Variants in SLC2A13 observed in about 807,000 individuals in gnomAD.
SLC2A13 encodes proton myo-inositol cotransporter.
A neutral mutation model predicts 64.4 loss-of-function variants in SLC2A13; 32 were observed. The ratio of observed to expected loss-of-function variants is 0.50; its 90% CI spans 0.37 to 0.67. The LOEUF is 0.67. SLC2A13 is among the 30% of genes least tolerant of loss of function. The pLI, the probability that SLC2A13 is intolerant of heterozygous loss-of-function variation, is 0.00. For missense variants in SLC2A13, 743 were observed against 829.2 expected, an observed-to-expected ratio of 0.90 and a Z score of 1.28; for synonymous variants, 338 against 327.1, an observed-to-expected ratio of 1.03 and a Z score of -0.36.
At chr12:39,784,321 A>G (rs913028117) in intron 7 of SLC2A13, among the ~76,000 whole-genome samples, 56 of 152,212 alleles carry the variant, frequency 3.7e-4, no homozygotes, top group Non-Finnish European at 1.2e-4. Flanking sequence ...CTGACTTCAA[A>G]CTACACTAGA....
intron 3 of SLC2A13, among the ~76,000 whole-genome samples, chr12:39,952,486 T>C (rs539600398): frequency 2.0e-5 from 3 of 152,294 alleles, no homozygotes; most frequent in African/African-American, 7.2e-5. Context: ...ATACAATATG[T>C]ATGTTGTCTC....
At chr12:39,817,605 T>C (rs1200942336) in intron 7 of SLC2A13, among the ~76,000 whole-genome samples, 1 of 152,194 alleles carries the variant, frequency 6.6e-6, no homozygotes, top group African/African-American at 2.4e-5. Context: ...ACAGAATGCT[T>C]CATCTATATT....
intron 1 of SLC2A13, among the ~76,000 whole-genome samples, chr12:40,091,505 T>C (rs17489583): frequency 0.023 from 3,500 of 152,298 alleles, 144 homozygotes; most frequent in African/African-American, 0.079. Flanking sequence ...AAAGTTGAAA[T>C]TGGCCAACTA....
chr12:40,018,593 C>T (rs886134335), intron 3 of SLC2A13, among the ~76,000 whole-genome samples: 6 of 152,102 alleles, frequency 3.9e-5, no homozygotes, highest in African/African-American at 1.2e-4. Flanking sequence ...TTTTGTCAAC[C>T]GAACAATAAA....
In SLC2A13 at chr12:40,099,009, C is replaced by T. The variant is rs548630430; in HGVS notation, c.556+6244G>A. ...CACGGTGCTTGGCCCTGCTGTGAAA[C>T]GATGCTCCTGCCACGTGGCCTTGGA... On this transcript the variant is annotated intron_variant, in intron 1 of 9. Coordinates refer to ENST00000280871, the MANE Select transcript of SLC2A13 (RefSeq NM_052885.4). 5.9e-5 allele frequency among the ~76,000 whole-genome samples: 9 copies of T among 152,304 alleles called. No individual in the cohort carries two copies. In the East Asian group the frequency reaches 9.7e-4, roughly 16 times the overall value.
intron 1 of SLC2A13, among the ~76,000 whole-genome samples, chr12:40,088,176 G>T (rs28365174): frequency 1.7e-4 from 26 of 152,148 alleles, no homozygotes; most frequent in African/African-American, 5.8e-4. Context: ...AAGCTCAAAA[G>T]GGGGACAGGT....
intron 7 of SLC2A13, chr12:39,788,784 G>A (rs1226122992): frequency 1.3e-5 from 2 of 152,108 alleles, no homozygotes; most frequent in African/African-American, 4.8e-5. Context: ...ACAGAATGCT[G>A]ATTTGTATTA....
intron 7 of SLC2A13, among the ~76,000 whole-genome samples, chr12:39,775,567 G>A (rs950516017): frequency 3.3e-5 from 5 of 152,314 alleles, no homozygotes; most frequent in Middle Eastern, 3.4e-3. Context: ...AAAATACTTT[G>A]AAGTTCTTTC....
chr12:39,820,396 T>C (rs1040976631), intron 7 of SLC2A13, among the ~76,000 whole-genome samples: 5 of 152,198 alleles, frequency 3.3e-5, no homozygotes, highest in African/African-American at 9.6e-5. Context: ...TGATTGGCAT[T>C]GGTTCATGAA....
intron 5 of SLC2A13, 128 bp from the exon 6 acceptor site, chr12:39,865,010 C>T (rs1000403229): frequency 3.8e-6 from 3 of 788,012 alleles, no homozygotes; most frequent in Non-Finnish European, 5.7e-6. Context: ...ATACCGTGCT[C>T]TATCTTCACT....
rs1939948740 is a variant in SLC2A13, at chr12:39,755,424, G to A, written c.*4602C>T. 1 of 151,898 alleles carries A rather than the reference G, an allele frequency of 6.6e-6. No individual in the cohort carries two copies. Among genetic ancestry groups the A allele is most frequent in the South Asian group, 2.1e-4 (1 of 4,826 alleles). The allele number at this position is 151,898 out of a possible 1,614,324, so 9.4% of individuals were successfully genotyped here. On this transcript the variant is annotated 3_prime_UTR_variant, in exon 10 of 10. Coordinates refer to ENST00000280871, the MANE Select transcript of SLC2A13 (RefSeq NM_052885.4). ...TTTGATTTAATCTAGGTATACATTA[G>A]AGCTTCTAAATAGAAATTTGAATAT...
intron 3 of SLC2A13, among the ~76,000 whole-genome samples, chr12:39,980,686 G>C (rs948691960): frequency 6.6e-6 from 1 of 151,328 alleles, no homozygotes; most frequent in Admixed American, 6.6e-5. Flanking sequence ...AGTCCTGAGT[G>C]ACCTACAAAG....
At chr12:39,898,374 G>C (rs1944984260) in intron 4 of SLC2A13, among the ~76,000 whole-genome samples, 1 of 152,076 alleles carries the variant, frequency 6.6e-6, no homozygotes, top group Non-Finnish European at 1.5e-5. Flanking sequence ...GAATGTTTAG[G>C]TTCTACAAAT....
At chr12:39,850,275 T>C (rs764338677) in intron 6 of SLC2A13, among the ~76,000 whole-genome samples, 2 of 152,204 alleles carry the variant, frequency 1.3e-5, no homozygotes, top group African/African-American at 2.4e-5. Context: ...TGTATTGATA[T>C]ATTTTTCAAC....
At chr12:40,000,220 T>C (rs1438830011) in intron 3 of SLC2A13, among the ~76,000 whole-genome samples, 1 of 152,188 alleles carries the variant, frequency 6.6e-6, no homozygotes, top group African/African-American at 2.4e-5. Context: ...AACATCTTTC[T>C]TTTGTAGATT....
intron 7 of SLC2A13, among the ~76,000 whole-genome samples, chr12:39,793,916 A>C (rs1160551270): frequency 2.0e-5 from 3 of 152,008 alleles, no homozygotes; most frequent in East Asian, 3.9e-4. Flanking sequence ...CTTTTATCTC[A>C]GTGAGCTCAT....
chr12:40,093,113 T>A (rs1000475350), intron 1 of SLC2A13, among the ~76,000 whole-genome samples: 1 of 152,248 alleles, frequency 6.6e-6, no homozygotes. Context: ...TTTGTTTAGG[T>A]TCCCTAGATA....
At chr12:40,070,316 A>C (rs529973734) in intron 1 of SLC2A13, among the ~76,000 whole-genome samples, 1 of 152,214 alleles carries the variant, frequency 6.6e-6, no homozygotes, top group Admixed American at 6.5e-5. Flanking sequence ...CACCAACTAC[A>C]CTGTCCTAGG....
intron 3 of SLC2A13, among the ~76,000 whole-genome samples, chr12:39,994,517 CATA>C (rs1360964604): frequency 1.3e-5 from 2 of 151,960 alleles, no homozygotes; most frequent in Non-Finnish European, 2.9e-5. Context: ...TCACTACCAC[CATA>C]ATAACCAGAA....
Sources: allele counts gnomAD v4.1 joint callset (sites outside exome capture counted in the v4.1 genomes callset), GRCh38; gene constraint gnomAD v4.1.1; transcripts MANE v1.5; gene names NCBI Gene and HGNC (gene_info 2026-07-23, HGNC 2026-07-21).